Variants in C8orf34 observed in about 807,000 individuals in gnomAD.
The protein encoded by C8orf34 is chromosome 8 open reading frame 34, also known as uncharacterized protein C8orf34.
In C8orf34, 65 loss-of-function variants were observed where a neutral mutation model predicts 68.3. The observed-to-expected ratio is 0.95, with a 90% CI of 0.78 to 1.17. The LOEUF is 1.17. Ranked by LOEUF, C8orf34 falls within the 50% of genes most tolerant of loss-of-function variation. The pLI is 0.00. For missense variants in C8orf34, 664 were observed against 655.4 expected (o/e 1.01, Z -0.14); for synonymous variants, 244 against 241.2 (o/e 1.01, Z -0.11).
intron 5 of C8orf34, among the ~76,000 whole-genome samples, chr8:68,491,347 T>C (rs1264885377): frequency 2.0e-5 from 3 of 152,182 alleles, no homozygotes; most frequent in Non-Finnish European, 2.9e-5. Flanking sequence ...GCTGTGACAC[T>C]TTAAAGCAAC....
chr8:68,788,504 G>A (rs1224942448), intron 12 of C8orf34, among the ~76,000 whole-genome samples: 4 of 152,104 alleles, frequency 2.6e-5, no homozygotes, highest in Non-Finnish European at 4.4e-5. Context: ...CAGGAATAGA[G>A]TAAAAAACAC....
At chr8:68,592,360 T>G (rs967400396) in intron 7 of C8orf34, among the ~76,000 whole-genome samples, 1 of 152,132 alleles carries the variant, frequency 6.6e-6, no homozygotes, top group East Asian at 1.9e-4. Flanking sequence ...TTGGGCTTTT[T>G]CATTAGGTTA....
intron 7 of C8orf34, among the ~76,000 whole-genome samples, chr8:68,597,467 C>T (rs1176373085): frequency 1.3e-5 from 2 of 151,978 alleles, no homozygotes; most frequent in Non-Finnish European, 2.9e-5. Flanking sequence ...AAAGCATGAA[C>T]TTTACATTGA....
At chr8:68,545,095 A>G (rs1815829696) in intron 7 of C8orf34, among the ~76,000 whole-genome samples, 1 of 152,138 alleles carries the variant, frequency 6.6e-6, no homozygotes. Context: ...TGTGTCCCCA[A>G]CCAAATCTCA....
chr8:68,790,707 T>C, intron 12 of C8orf34: 1 of 461,504 alleles, frequency 2.2e-6, no homozygotes. Flanking sequence ...TTGTGTTTCT[T>C]TCTAATCTCT....
chr8:68,407,353 G>A (rs1399780852), intron 1 of C8orf34, among the ~76,000 whole-genome samples: 3 of 151,822 alleles, frequency 2.0e-5, no homozygotes, highest in Non-Finnish European at 4.4e-5. Context: ...GGGCATATTC[G>A]TAAAACTGTA....
At chr8:68,383,579 A>G (rs912817945) in intron 1 of C8orf34, among the ~76,000 whole-genome samples, 10 of 152,234 alleles carry the variant, frequency 6.6e-5, no homozygotes, top group Non-Finnish European at 1.5e-4. Context: ...CAGTATATAC[A>G]TCTGCATCTA....
intron 1 of C8orf34, among the ~76,000 whole-genome samples, chr8:68,378,889 AATAT>A (rs1293000558): frequency 6.6e-6 from 1 of 152,224 alleles, no homozygotes; most frequent in Non-Finnish European, 1.5e-5. Context: ...AATTTGAATC[AATAT>A]ATAAAGTCTG....
intron 8 of C8orf34, among the ~76,000 whole-genome samples, chr8:68,653,475 ATCTGTTTG>A (rs1418105360): frequency 1.3e-5 from 2 of 152,188 alleles, no homozygotes; most frequent in African/African-American, 4.8e-5. Flanking sequence ...TACTGTCTTA[ATCTGTTTG>A]CCTGCTATAA....
intron 7 of C8orf34, among the ~76,000 whole-genome samples, chr8:68,540,086 T>G (rs905301030): frequency 1.3e-5 from 2 of 152,108 alleles, no homozygotes; most frequent in Non-Finnish European, 2.9e-5. Flanking sequence ...TTTAAAAATG[T>G]CTTATGTTCA....
chr8:68,387,275 C>G (rs1228988483), intron 1 of C8orf34, among the ~76,000 whole-genome samples: 1 of 152,016 alleles, frequency 6.6e-6, no homozygotes. Flanking sequence ...CAAATTGCCA[C>G]TTTGGGAAGA....
At chr8:68,453,702 A>G (rs1811435844) in intron 3 of C8orf34, among the ~76,000 whole-genome samples, 1 of 152,040 alleles carries the variant, frequency 6.6e-6, no homozygotes, top group Non-Finnish European at 1.5e-5. Flanking sequence ...AGATCAGATT[A>G]TGCCATCTGA....
intron 8 of C8orf34, among the ~76,000 whole-genome samples, chr8:68,650,771 A>G (rs373651766): frequency 6.6e-5 from 10 of 151,366 alleles, no homozygotes; most frequent in East Asian, 5.9e-4. Flanking sequence ...GAGCCACCGC[A>G]CCCGGCCCAC....
At chr8:68,631,507 A>G (rs1164817869) in intron 7 of C8orf34, among the ~76,000 whole-genome samples, 1 of 152,140 alleles carries the variant, frequency 6.6e-6, no homozygotes, top group Non-Finnish European at 1.5e-5. Context: ...TTTATCATCT[A>G]AGACTAAACT....
At chr8:68,520,021 T>G (rs754642951) in intron 5 of C8orf34, among the ~76,000 whole-genome samples, 1 of 152,204 alleles carries the variant, frequency 6.6e-6, no homozygotes, top group Non-Finnish European at 1.5e-5. Flanking sequence ...AATATTAAAT[T>G]GTGGCAGATG....
intron 1 of C8orf34, among the ~76,000 whole-genome samples, chr8:68,416,772 C>T (rs1809689097): frequency 6.6e-6 from 1 of 152,016 alleles, no homozygotes; most frequent in African/African-American, 2.4e-5. Context: ...TTCACGTGAC[C>T]CGCCCATCTC....
intron 8 of C8orf34, among the ~76,000 whole-genome samples, chr8:68,661,620 TG>T (rs1397623786): frequency 4.6e-5 from 7 of 152,338 alleles, no homozygotes; most frequent in African/African-American, 1.2e-4. Context: ...TATAAGCTGA[TG>T]GGACTAGGTT....
intron 1 of C8orf34, among the ~76,000 whole-genome samples, chr8:68,420,295 C>T (rs1272244622): frequency 6.6e-6 from 1 of 151,810 alleles, no homozygotes; most frequent in Non-Finnish European, 1.5e-5. Context: ...GAACATCAGA[C>T]TAATAATAAA....
chr8:68,663,979 T>G (rs1349646755), intron 8 of C8orf34, among the ~76,000 whole-genome samples: 1 of 152,144 alleles, frequency 6.6e-6, no homozygotes, highest in Non-Finnish European at 1.5e-5. Context: ...TAATGTGAAT[T>G]TTAGGCTTCT....
Sources: gnomAD v4.1 joint callset for allele counts (sites outside exome capture counted in the v4.1 genomes callset) on GRCh38, gnomAD v4.1.1 for gene constraint, MANE v1.5 for transcripts, NCBI Gene and HGNC (gene_info 2026-07-23, HGNC 2026-07-21) for gene names.